The following SASH1 variants were observed in gnomAD, a reference collection of about 807,000 sequenced individuals.
SASH1 encodes the protein SAM and SH3 domain-containing protein 1.
A neutral mutation model predicts 125.2 loss-of-function variants in SASH1; 44 were observed. The ratio of observed to expected loss-of-function variants is 0.35; its 90% CI spans 0.28 to 0.45. The LOEUF (loss-of-function observed/expected upper bound fraction) is 0.45. SASH1 is among the 20% of genes least tolerant of loss of function. The pLI is 1.00. For missense variants in SASH1, 1,426 were observed against 1,614.5 expected (o/e 0.88, Z 2.00); for synonymous variants, 639 against 649.1 (o/e 0.98, Z 0.24).
Position 148,447,425 on chromosome 6 carries a change from T to C in SASH1, c.386+7018T>C, listed in dbSNP as rs142225134. On this transcript the variant is annotated intron_variant, in intron 4 of 19. Transcript: ENST00000367467. ...CTCAGGTATGTTTTATCTGGCAAGC[T>C]GATTACTCTTTTGATAATGTCAGCT... Among the ~76,000 whole-genome samples the C allele has an allele frequency of 3.3e-5, 5 of 152,356 alleles. No individual in the cohort carries two copies. In the East Asian group the frequency reaches 7.7e-4, roughly 24 times the overall value.
intron 2 of SASH1, among the ~76,000 whole-genome samples, chr6:148,397,305 A>T (rs956929577): frequency 3.9e-5 from 6 of 151,980 alleles, no homozygotes; most frequent in African/African-American, 1.5e-4. Context: ...ACATGGTGAA[A>T]CCCCATCTCT....
chr6:148,469,910 C>T (rs1778020237), intron 5 of SASH1, among the ~76,000 whole-genome samples: 1 of 151,682 alleles, frequency 6.6e-6, no homozygotes, highest in African/African-American at 2.4e-5. Flanking sequence ...CCTGCAATCC[C>T]AGCTATTCAG....
intron 1 of SASH1, among the ~76,000 whole-genome samples, chr6:148,298,440 G>C (rs1425488327): frequency 1.3e-5 from 2 of 152,074 alleles, no homozygotes; most frequent in African/African-American, 4.8e-5. Flanking sequence ...GACCAGCCTG[G>C]GCAACATGGC....
At chr6:148,262,605 C>T in the SASH1 span, among the ~76,000 whole-genome samples, 3 of 152,172 alleles carry the variant, frequency 2.0e-5, no homozygotes, top group Admixed American at 6.5e-5. Context: ...CAATGAAGGC[C>T]GGGCAAGATG....
At chr6:148,322,949 T>C (rs1397092270) in intron 1 of SASH1, among the ~76,000 whole-genome samples, 1 of 148,022 alleles carries the variant, frequency 6.8e-6, no homozygotes, top group Non-Finnish European at 1.5e-5. Context: ...CTTCCTTCCT[T>C]CCTCCCTCCC....
At chr6:148,213,505 G>GGTGTGTGTGT in the SASH1 span, among the ~76,000 whole-genome samples, 251 of 148,446 alleles carry the variant, frequency 1.7e-3, no homozygotes, top group East Asian at 5.9e-3. Flanking sequence ...CTAGCCAAAG[G>GGTGTGTGTGT]GTGTGTGTGT....
chr6:148,221,129 C>T, the SASH1 span, among the ~76,000 whole-genome samples: 1 of 152,124 alleles, frequency 6.6e-6, no homozygotes, highest in Non-Finnish European at 1.5e-5. Flanking sequence ...CGTCTTACTG[C>T]AGATTGAATT....
intron 1 of SASH1, among the ~76,000 whole-genome samples, chr6:148,346,971 G>A (rs1321761062): frequency 6.6e-6 from 1 of 152,180 alleles, no homozygotes; most frequent in African/African-American, 2.4e-5. Flanking sequence ...GCAAAACTGA[G>A]TTAGAATCCT....
chr6:148,386,881 G>C (rs1783388337), intron 1 of SASH1, among the ~76,000 whole-genome samples: 1 of 152,150 alleles, frequency 6.6e-6, no homozygotes, highest in African/African-American at 2.4e-5. Context: ...AGAGGCTTCA[G>C]GGTGAACAGG....
rs974036087 is a variant in SASH1, at chr6:148,461,170, G to A, written c.387-7375G>A. 1.1e-4 allele frequency among the ~76,000 whole-genome samples: 17 copies of A among 152,212 alleles called. 1 individual carries two copies. Among genetic ancestry groups the A allele is most frequent in the Admixed American group, 7.8e-4 (12 of 15,290 alleles). ...CATCACAACTGCACTTAGAAAGACA[G>A]TCAAGGCTTAGATTGGTGGCAGCGC... On this transcript the variant is annotated intron_variant, in intron 4 of 19. Coordinates refer to ENST00000367467, the MANE Select transcript of SASH1 (RefSeq NM_015278.5).
chr6:148,404,660 A>G (rs1018298087), intron 2 of SASH1, among the ~76,000 whole-genome samples: 1 of 109,212 alleles, frequency 9.2e-6, no homozygotes, highest in Admixed American at 1.0e-4. Flanking sequence ...TCCCAGCCCT[A>G]TCGTACCCTC....
Position 148,490,063 on chromosome 6 carries a change from A to AAAT in SASH1, c.729+2370_729+2372dup, listed in dbSNP as rs60004034. ...AAAACAAGATCATGTCTTCTGCAAA[A>AAAT]AATAATAATAATAATAATAATAATT... is the stretch of plus-strand genomic sequence containing the variant. On this transcript the variant is annotated intron_variant, in intron 8 of 19. Coordinates refer to ENST00000367467, the MANE Select transcript of SASH1 (RefSeq NM_015278.5). 6.2e-3 allele frequency among the ~76,000 whole-genome samples: 817 copies of AAAT among 132,728 alleles called. 1 individual carries two copies. Among genetic ancestry groups the AAAT allele is most frequent in the Middle Eastern group, 0.019 (5 of 260 alleles). The allele number at this position is 132,728 out of a possible 152,430, so 87.1% of individuals were successfully genotyped here. A position where few individuals can be genotyped will look rare whatever the true frequency, so the allele number is the denominator to read the frequency against.
At chr6:148,313,669 G>A (rs566112297) in intron 1 of SASH1, among the ~76,000 whole-genome samples, 2 of 152,204 alleles carry the variant, frequency 1.3e-5, no homozygotes, top group Admixed American at 6.5e-5. Flanking sequence ...AGAGCAGATG[G>A]CATGTCATTT....
intron 4 of SASH1, among the ~76,000 whole-genome samples, chr6:148,447,270 G>A (rs760040489): frequency 6.6e-6 from 1 of 152,142 alleles, no homozygotes; most frequent in East Asian, 1.9e-4. Flanking sequence ...TATATAGCAC[G>A]ATGGAAAAGG....
At chr6:148,506,293 G>A (rs1419377419) in intron 8 of SASH1, among the ~76,000 whole-genome samples, 2 of 151,686 alleles carry the variant, frequency 1.3e-5, no homozygotes, top group Non-Finnish European at 2.9e-5. Context: ...TGGCCAACAT[G>A]GTGAAACCCC....
At chr6:148,367,499 C>T (rs1018372168) in intron 1 of SASH1, among the ~76,000 whole-genome samples, 1 of 152,228 alleles carries the variant, frequency 6.6e-6, no homozygotes, top group South Asian at 2.1e-4. Flanking sequence ...CTCTTGTTTA[C>T]GTCCTCGGGC....
chr6:148,346,398 G>A (rs1781521172), intron 1 of SASH1, among the ~76,000 whole-genome samples: 1 of 151,812 alleles, frequency 6.6e-6, no homozygotes, highest in African/African-American at 2.4e-5. Flanking sequence ...TATAATTTAC[G>A]GCATGAAAAT....
At chr6:148,463,575 A>G (rs1777712699) in intron 4 of SASH1, among the ~76,000 whole-genome samples, 1 of 152,066 alleles carries the variant, frequency 6.6e-6, no homozygotes, top group Non-Finnish European at 1.5e-5. Flanking sequence ...TCTCTTTATG[A>G]CCACTAAAAA....
At chr6:148,431,800 C>T (rs1182261603) in intron 2 of SASH1, among the ~76,000 whole-genome samples, 1 of 151,550 alleles carries the variant, frequency 6.6e-6, no homozygotes, top group African/African-American at 2.4e-5. Context: ...GTTAGAGTCT[C>T]TTTGAATTTT....
Sources: allele counts gnomAD v4.1 joint callset (sites outside exome capture counted in the v4.1 genomes callset), GRCh38; gene constraint gnomAD v4.1.1; transcripts MANE v1.5; gene names NCBI Gene and HGNC (gene_info 2026-07-23, HGNC 2026-07-21).